ASB4: variants seen among roughly 807,000 people sequenced by gnomAD.
ASB4 encodes ankyrin repeat and SOCS box protein 4.
A neutral mutation model predicts 38.6 loss-of-function variants in ASB4; 35 were observed. The ratio of observed to expected loss-of-function variants is 0.91; its 90% CI spans 0.69 to 1.20. The LOEUF is 1.20. Ranked by LOEUF, ASB4 falls within the 50% of genes most tolerant of loss-of-function variation. The pLI is 0.00. For missense variants in ASB4, 557 were observed against 527.2 expected (o/e 1.06, Z -0.55); for synonymous variants, 195 against 201.3 (o/e 0.97, Z 0.26).
intron 2 of ASB4, among the ~76,000 whole-genome samples, chr7:95,526,379 T>G (rs995231541): frequency 6.6e-6 from 1 of 152,128 alleles, no homozygotes. Flanking sequence ...TCTATAAAAC[T>G]TCGCTGCAGT....
intron 2 of ASB4, among the ~76,000 whole-genome samples, chr7:95,520,107 G>A (rs1037929302): frequency 1.3e-5 from 2 of 152,088 alleles, no homozygotes; most frequent in Non-Finnish European, 2.9e-5. Context: ...TTCAGTGCTG[G>A]GGCATTATAT....
chr7:95,477,960 T>C (rs1337588164), upstream of ASB4, among the ~76,000 whole-genome samples: 1 of 152,134 alleles, frequency 6.6e-6, no homozygotes, highest in Non-Finnish European at 1.5e-5. Flanking sequence ...TTTGGTGTTG[T>C]GTTGAGGATT....
At chr7:95,528,354 C>T (rs574342768) in intron 3 of ASB4, 51 bp downstream of exon 3, 267 of 1,609,566 alleles carry the variant, frequency 1.7e-4, no homozygotes, top group Non-Finnish European at 2.2e-4. Flanking sequence ...AAATGGCAGC[C>T]TTGTCTGAAA....
chr7:95,496,157 A>C, intron 2 of ASB4, 100 bp downstream of exon 2: 2 of 1,152,444 alleles, frequency 1.7e-6, no homozygotes. Context: ...GTAAGCATAA[A>C]GATGCAATTA....
chr7:95,529,747 T>A (rs1790793472), intron 3 of ASB4, among the ~76,000 whole-genome samples: 1 of 152,216 alleles, frequency 6.6e-6, no homozygotes, highest in Non-Finnish European at 1.5e-5. Flanking sequence ...TTACAGTAAC[T>A]GTCCTGTGTT....
At chr7:95,502,411 AAC>A (rs970147167) in intron 2 of ASB4, among the ~76,000 whole-genome samples, 2 of 151,984 alleles carry the variant, frequency 1.3e-5, no homozygotes, top group African/African-American at 4.8e-5. Flanking sequence ...GCAAATTGAT[AAC>A]ACATATCAAA....
intron 2 of ASB4, among the ~76,000 whole-genome samples, chr7:95,516,360 TA>T (rs1562817816): frequency 6.6e-6 from 1 of 152,114 alleles, no homozygotes; most frequent in Non-Finnish European, 1.5e-5. Flanking sequence ...ATTAAAAAGA[TA>T]AAAAATAAAA....
At chr7:95,532,609 T>C (rs1790834452) in intron 3 of ASB4, among the ~76,000 whole-genome samples, 1 of 152,316 alleles carries the variant, frequency 6.6e-6, no homozygotes, top group African/African-American at 2.4e-5. Flanking sequence ...TCTGAACACA[T>C]ATATATCAAT....
chr7:95,472,735 T>A, the ASB4 span, among the ~76,000 whole-genome samples: 15 of 152,238 alleles, frequency 9.9e-5, no homozygotes, highest in African/African-American at 3.6e-4. Flanking sequence ...TGCAGTATGA[T>A]AAAACGCGGT....
chr7:95,484,966 G>A (rs958102223), upstream of ASB4, among the ~76,000 whole-genome samples: 1 of 147,764 alleles, frequency 6.8e-6, no homozygotes, highest in Non-Finnish European at 1.5e-5. Context: ...ATATATATAT[G>A]TGTGTATATA....
intron 2 of ASB4, among the ~76,000 whole-genome samples, chr7:95,500,215 A>C (rs1472098705): frequency 6.6e-6 from 1 of 152,008 alleles, no homozygotes; most frequent in African/African-American, 2.4e-5. Context: ...GTTCGGGAGA[A>C]AAAAAATGGG....
chr7:95,536,320 G>A, intron 3 of ASB4, 117 bp from the exon 4 acceptor site: 1 of 614,796 alleles, frequency 1.6e-6, no homozygotes. Flanking sequence ...AAGTAGCTGG[G>A]ATTACAGGCA....
chr7:95,487,398 A>G (rs1271336173), intron 1 of ASB4, among the ~76,000 whole-genome samples: 1 of 152,172 alleles, frequency 6.6e-6, no homozygotes, highest in Non-Finnish European at 1.5e-5. Flanking sequence ...GAATGTCTGA[A>G]TGCTAAACTA....
chr7:95,533,480 G>A (rs1790847028), intron 3 of ASB4, among the ~76,000 whole-genome samples: 1 of 152,160 alleles, frequency 6.6e-6, no homozygotes, highest in Admixed American at 6.5e-5. Context: ...TTCCTTACCT[G>A]TTTCAGTCCA....
At chr7:95,547,718 G>T in the ASB4 span, among the ~76,000 whole-genome samples, 2 of 152,214 alleles carry the variant, frequency 1.3e-5, no homozygotes, top group Admixed American at 1.3e-4. Context: ...TAGGTTTTGA[G>T]TAAAGCAGAT....
chr7:95,513,256 T>TG (rs1238268830), intron 2 of ASB4, among the ~76,000 whole-genome samples: 1 of 64,808 alleles, frequency 1.5e-5, no homozygotes, highest in Non-Finnish European at 4.4e-5. Flanking sequence ...TTTGTTTGTT[T>TG]TTTTTTTTTT....
chr7:95,510,963 C>G (rs1017836866), intron 2 of ASB4, among the ~76,000 whole-genome samples: 1 of 152,136 alleles, frequency 6.6e-6, no homozygotes, highest in African/African-American at 2.4e-5. Flanking sequence ...TTTAAATACC[C>G]ATTTAGCAAA....
At chr7:95,512,858 C>T (rs1790501459) in intron 2 of ASB4, among the ~76,000 whole-genome samples, 2 of 152,158 alleles carry the variant, frequency 1.3e-5, no homozygotes, top group Non-Finnish European at 2.9e-5. Flanking sequence ...GGAAGAAAAA[C>T]GACCCTCCAA....
At position 95,495,873 on chromosome 7, in the gene ASB4, C is replaced by G. The variant is rs759469934; in HGVS notation, c.303C>G (p.Ile101Met). 6 of 1,613,974 alleles carry G rather than the reference C, an allele frequency of 3.7e-6. No homozygotes were observed. The highest frequency in any genetic ancestry group is 4.2e-6 in the Non-Finnish European group (5 of 1,180,000). The change falls in exon 2 of 5, where the codon ATC becomes ATG. Residue 101 changes from isoleucine to methionine, a missense_variant. By Grantham distance (10) the Ile-to-Met change is conservative. Transcript: ENST00000325885. ...TGCTACTGGACCACAATGCTACAATCAACTGTAGACCCAATGGGAAAACCC... is the reference window on the plus strand; with the variant it reads ...TGCTACTGGACCACAATGCTACAATGAACTGTAGACCCAATGGGAAAACCC... Reference protein sequence around the residue: ...LLVLLDHNATINCRPNGKTPL... With the variant: ...LLVLLDHNATMNCRPNGKTPL...
Sources: allele counts gnomAD v4.1 joint callset (sites outside exome capture counted in the v4.1 genomes callset), GRCh38; gene constraint gnomAD v4.1.1; transcripts MANE v1.5; gene names NCBI Gene and HGNC (gene_info 2026-07-23, HGNC 2026-07-21).